PPP1R37: variants seen among roughly 807,000 people sequenced by gnomAD.
PPP1R37 encodes protein phosphatase 1 regulatory subunit 37.
In PPP1R37, 21 loss-of-function variants were observed where a neutral mutation model predicts 61.0. The observed-to-expected ratio is 0.34, with a 90% CI of 0.24 to 0.50. The LOEUF (loss-of-function observed/expected upper bound fraction) is 0.50. PPP1R37 is among the 20% of genes least tolerant of loss of function. The pLI is 0.98. For missense variants in PPP1R37, 910 were observed against 952.7 expected (o/e 0.96, Z 0.59); for synonymous variants, 443 against 433.5 (o/e 1.02, Z -0.27).
chr19:45,145,812 T>TCCCCCCCCCCCCCCCCCCCCCCCCCCCCC lies in PPP1R37; in HGVS notation c.1761_1762insCCCCCCCCCCCCCCCCCCCCCCCCCCCCC (p.Thr588ProfsTer60). 1.7e-5 allele frequency: 21 copies of TCCCCCCCCCCCCCCCCCCCCCCCCCCCCC among 1,227,578 alleles called. No homozygotes were observed. Among genetic ancestry groups the TCCCCCCCCCCCCCCCCCCCCCCCCCCCCC allele is most frequent in the South Asian group, 1.1e-4 (7 of 64,830 alleles). The allele number at this position is 1,227,578 out of a possible 1,614,324, so 76.0% of individuals were successfully genotyped here. A position where few individuals can be genotyped will look rare whatever the true frequency, so the allele number is the denominator to read the frequency against. On this transcript the variant is annotated frameshift_variant, in exon 11 of 13. Coordinates refer to ENST00000221462, the MANE Select transcript of PPP1R37 (RefSeq NM_019121.2). LOFTEE classifies it high-confidence loss of function. ...GCCCGAGAGGGCAGAGCCCCCTGCG[T>TCCCCCCCCCCCCCCCCCCCCCCCCCCCCC]CCCCCACCCCTCCCTCTCCCCCACC...
Position 45,145,751 on chromosome 19 carries a change from C to T in PPP1R37, c.1695C>T (p.Gly565=), listed in dbSNP as rs2122760845. Residue 565 remains glycine (G), a synonymous_variant, in exon 11 of 13, where the codon GGC becomes GGT. Coordinates refer to ENST00000221462, the MANE Select transcript of PPP1R37 (RefSeq NM_019121.2). Reference sequence around the variant, plus strand: ...TTTCCGTGTCCAGCCCGGGCCGGGGCCACAAGGTGTTTGTGGTGACCCGGG... The same window carrying T: ...TTTCCGTGTCCAGCCCGGGCCGGGGTCACAAGGTGTTTGTGGTGACCCGGG... ...QRISVSSPGR[G]HKVFVVTRVE... 6.5e-7 allele frequency: 1 copy of T among 1,527,040 alleles called. No individual in the cohort carries two copies. Among genetic ancestry groups the T allele is most frequent in the Admixed American group, 2.0e-5 (1 of 50,168 alleles). 94.6% of individuals were successfully genotyped at this position (1,527,040 alleles called of 1,614,324 possible).
rs958251093 is a variant in PPP1R37 at position 45,144,873 on chromosome 19, A to G, written c.1007A>G (p.Glu336Gly). 7 of 1,534,404 alleles carry G rather than the reference A, an allele frequency of 4.6e-6. No homozygotes were observed. The highest frequency in any genetic ancestry group is 6.1e-6 in the Non-Finnish European group (7 of 1,146,120). ...CTCCAGCCGCACACTCAGAGCCTGGAGACGCTGAACCTGGGCCACAACCCC... is the reference window on the plus strand; with the variant it reads ...CTCCAGCCGCACACTCAGAGCCTGGGGACGCTGAACCTGGGCCACAACCCC... ...GMTLPHTQSLETLNLGHNPIG... is the reference protein window; with the variant it reads ...GMTLPHTQSLGTLNLGHNPIG... Residue 336 changes from glutamate (E) to glycine (G), a missense_variant, in exon 9 of 13, where the codon GAG becomes GGG. By Grantham distance (98) the Glu-to-Gly change is moderately conservative. Transcript: ENST00000221462.
chr19:45,136,480 T>C (rs1292146068), intron 1 of PPP1R37: 1 of 152,202 alleles, frequency 6.6e-6, no homozygotes, highest in African/African-American at 2.4e-5. Flanking sequence ...GGCTTGTCCA[T>C]GGCTTGGGGT....
intron 1 of PPP1R37, among the ~76,000 whole-genome samples, chr19:45,102,833 T>A (rs1968081494): frequency 6.6e-6 from 1 of 152,198 alleles, no homozygotes. Context: ...GTGGAGCTGA[T>A]GCCGCTCCTG....
At chr19:45,099,452 G>C (rs1968034456) in intron 1 of PPP1R37, among the ~76,000 whole-genome samples, 3 of 152,226 alleles carry the variant, frequency 2.0e-5, no homozygotes, top group Admixed American at 2.0e-4. Flanking sequence ...ACAAGTTGCA[G>C]CTCCTCCCTG....
chr19:45,144,643 G>A lies in PPP1R37; in HGVS notation c.988-211G>A. 11 of 541,968 alleles carry A rather than the reference G, an allele frequency of 2.0e-5. No individual in the cohort carries two copies. In the South Asian group the frequency reaches 2.8e-4, roughly 14 times the overall value. 33.6% of individuals were successfully genotyped at this position (541,968 alleles called of 1,614,324 possible). A position where few individuals can be genotyped will look rare whatever the true frequency, so the allele number is the denominator to read the frequency against. On this transcript the variant is annotated intron_variant, in intron 8 of 12. Transcript: ENST00000221462. Reference sequence around the variant, plus strand: ...GGTGCCTGGGGAGCTGGGAGTGGACGGGGGACCTGGCATTTGGGGAGACTT... The same window carrying A: ...GGTGCCTGGGGAGCTGGGAGTGGACAGGGGACCTGGCATTTGGGGAGACTT...
intron 1 of PPP1R37, among the ~76,000 whole-genome samples, chr19:45,131,283 G>A (rs906833873): frequency 6.6e-6 from 1 of 152,174 alleles, no homozygotes; most frequent in Non-Finnish European, 1.5e-5. Flanking sequence ...GCAAGGCCCT[G>A]CCCGCCAGCT....
chr19:45,096,037 T>C (rs1437933748), intron 1 of PPP1R37, among the ~76,000 whole-genome samples: 1 of 152,148 alleles, frequency 6.6e-6, no homozygotes, highest in Non-Finnish European at 1.5e-5. Flanking sequence ...GTGGCAATAC[T>C]CTTGCCACGG....
intron 8 of PPP1R37, 166 bp from the exon 9 acceptor site, chr19:45,144,688 A>G (rs1968660542): frequency 1.3e-5 from 8 of 600,772 alleles, no homozygotes; most frequent in Non-Finnish European, 2.8e-6. Flanking sequence ...GAGGGACTTC[A>G]GGCCAGGCCT....
intron 1 of PPP1R37, among the ~76,000 whole-genome samples, chr19:45,119,733 G>C (rs898839596): frequency 1.3e-5 from 2 of 152,198 alleles, no homozygotes; most frequent in Admixed American, 1.3e-4. Flanking sequence ...CAGACCACTG[G>C]GAAAGTGGCC....
rs1968683783 is a variant in PPP1R37 at position 45,145,647 on chromosome 19, C to A, written c.1591C>A (p.Leu531Met). Reference sequence around the variant, plus strand: ...GAGGGACGAGACCCCCTGTCCTGCCCTGGTGCCCCCCACGGACTCCCTGGG... The same window carrying A: ...GAGGGACGAGACCCCCTGTCCTGCCATGGTGCCCCCCACGGACTCCCTGGG... ...GERDETPCPA[L>M]VPPTDSLGPG... Residue 531 changes from leucine (L) to methionine (M), a missense_variant, in exon 11 of 13, where the codon CTG (leucine) becomes ATG (methionine). By Grantham distance (15) the Leu-to-Met change is conservative. This residue lies in a region of PPP1R37 where 549 missense variants were observed against 505.1 expected (regional missense o/e 1.09). Coordinates refer to ENST00000221462, the MANE Select transcript of PPP1R37 (RefSeq NM_019121.2). 6.5e-7 allele frequency: 1 copy of A among 1,535,750 alleles called. No individual in the cohort carries two copies.
chr19:45,113,979 T>A (rs1212177292), intron 1 of PPP1R37, among the ~76,000 whole-genome samples: 1 of 152,180 alleles, frequency 6.6e-6, no homozygotes, highest in Non-Finnish European at 1.5e-5. Flanking sequence ...TCATCCAGCA[T>A]CCACTCTCCC....
intron 11 of PPP1R37, 146 bp from the exon 12 acceptor site, chr19:45,146,244 A>ACG: frequency 3.4e-6 from 3 of 891,436 alleles, no homozygotes; most frequent in Middle Eastern, 4.5e-4. Context: ...GTGGGGGGGC[A>ACG]TGTAAGGTGT....
intron 1 of PPP1R37, among the ~76,000 whole-genome samples, chr19:45,104,353 T>C (rs1430654594): frequency 1.3e-5 from 2 of 152,164 alleles, no homozygotes; most frequent in African/African-American, 4.8e-5. Flanking sequence ...CCTTAAGGAC[T>C]CCGGGCAAAG....
intron 1 of PPP1R37, among the ~76,000 whole-genome samples, chr19:45,105,210 C>T (rs533801109): frequency 6.6e-6 from 1 of 152,164 alleles, no homozygotes; most frequent in South Asian, 2.1e-4. Flanking sequence ...GTCCCTGGTC[C>T]AGAAAAGGAA....
chr19:45,127,872 G>T (rs1968426642), intron 1 of PPP1R37, among the ~76,000 whole-genome samples: 1 of 151,614 alleles, frequency 6.6e-6, no homozygotes, highest in Admixed American at 6.6e-5. Flanking sequence ...CTACTAGGGA[G>T]GCTGAGGCAG....
At chr19:45,111,099 G>C (rs1214030731) in intron 1 of PPP1R37, among the ~76,000 whole-genome samples, 1 of 152,066 alleles carries the variant, frequency 6.6e-6, no homozygotes, top group Non-Finnish European at 1.5e-5. Context: ...GGTGCCCCCA[G>C]CTCTGCTGAG....
Position 45,142,071 on chromosome 19 carries a change from T to G in PPP1R37, c.578T>G (p.Leu193Arg). Residue 193 changes from leucine (L) to arginine (R), a missense_variant, in exon 6 of 13, where the codon CTG (leucine) becomes CGG (arginine). This residue lies in a region of PPP1R37 where 280 missense variants were observed against 382.2 expected (regional missense o/e 0.73). Coordinates refer to ENST00000221462, the MANE Select transcript of PPP1R37 (RefSeq NM_019121.2). ...AAHMMRKTSC[L>R]QYLDARNTPL... Reference sequence around the variant, plus strand: ...CTCTTGCCCCTGCAGACGAGCTGCCTGCAGTATCTGGACGCCCGCAACACG... The same window carrying G: ...CTCTTGCCCCTGCAGACGAGCTGCCGGCAGTATCTGGACGCCCGCAACACG... 6.6e-7 allele frequency: 1 copy of G among 1,521,012 alleles called. No homozygotes were observed. The highest frequency in any genetic ancestry group is 8.8e-7 in the Non-Finnish European group (1 of 1,138,178). The allele number at this position is 1,521,012 out of a possible 1,614,324, so 94.2% of individuals were successfully genotyped here.
At chr19:45,120,263 C>T (rs1054300072) in intron 1 of PPP1R37, among the ~76,000 whole-genome samples, 1 of 152,162 alleles carries the variant, frequency 6.6e-6, no homozygotes, top group Non-Finnish European at 1.5e-5. Context: ...GTGATCCGCC[C>T]ACCTTAGCCT....
Sources: gnomAD v4.1 joint callset for allele counts (sites outside exome capture counted in the v4.1 genomes callset) on GRCh38, gnomAD v4.1.1 for gene constraint, gnomAD v4.1.1 regional missense constraint, MANE v1.5 for transcripts, NCBI Gene and HGNC (gene_info 2026-07-23, HGNC 2026-07-21) for gene names.